Variants in DNAH14 observed in about 807,000 individuals in gnomAD.
DNAH14 encodes dynein axonemal heavy chain 14, also known as axonemal beta dynein heavy chain 14.
A neutral mutation model predicts 520.9 loss-of-function variants in DNAH14; 478 were observed. The ratio of observed to expected loss-of-function variants is 0.92; its 90% CI spans 0.85 to 0.99. The LOEUF is 0.99. Among genes scored for constraint, DNAH14 ranks in the 50% least tolerant of loss-of-function variants. The pLI is 0.00. For missense variants in DNAH14, 4,831 were observed against 5,234.5 expected (o/e 0.92, Z 2.38); for synonymous variants, 1,581 against 1,757.2 (o/e 0.90, Z 2.51).
intron 45 of DNAH14, 146 bp downstream of exon 45, chr1:225,258,264 GT>G: frequency 2.7e-6 from 2 of 747,048 alleles, no homozygotes; most frequent in Non-Finnish European, 3.9e-6. Context: ...CTTACCAGCA[GT>G]TTATGAACAC....
chr1:225,399,184 C>T lies in DNAH14; in HGVS notation c.13769C>T (p.Thr4590Ile), dbSNP rs775904144. The T allele has an allele frequency of 6.4e-7, 1 of 1,551,730 alleles. No individual in the cohort carries two copies. The highest frequency in any genetic ancestry group is 1.2e-5 in the South Asian group (1 of 84,066). The change falls in exon 86 of 86, where the codon ACA becomes ATA. Residue 4590 changes from threonine (T) to isoleucine (I), a missense_variant. Physicochemically the swap from Thr to Ile is moderately conservative, Grantham distance 89. Coordinates refer to ENST00000682510, the MANE Select transcript of DNAH14 (RefSeq NM_001367479.1). ...ACCGGTTTACCAACAAACTTTTTAA[C>T]ATCAGTGTATTTATCAACGAAGAAA... Reference protein sequence around the residue: ...ATTGLPTNFLTSVYLSTKKPP... With the variant: ...ATTGLPTNFLISVYLSTKKPP...
intron 68 of DNAH14, among the ~76,000 whole-genome samples, chr1:225,338,827 C>T (rs1051420579): frequency 2.0e-5 from 3 of 152,138 alleles, no homozygotes; most frequent in African/African-American, 7.2e-5. Context: ...AAGTAATTGG[C>T]AAAGGAAACT....
At chr1:225,226,608 G>A (rs901275065) in intron 41 of DNAH14, among the ~76,000 whole-genome samples, 7 of 152,188 alleles carry the variant, frequency 4.6e-5, no homozygotes, top group African/African-American at 1.7e-4. Context: ...CATTTTGAAG[G>A]GGGCCTGCCC....
chr1:225,003,816 A>G (rs1037060407), intron 9 of DNAH14, among the ~76,000 whole-genome samples: 1 of 152,120 alleles, frequency 6.6e-6, no homozygotes, highest in African/African-American at 2.4e-5. Flanking sequence ...TTTGGTTTTT[A>G]TGTAGAAGGA....
intron 84 of DNAH14, among the ~76,000 whole-genome samples, chr1:225,392,769 T>A (rs2095937107): frequency 6.6e-6 from 1 of 152,238 alleles, no homozygotes; most frequent in Admixed American, 6.5e-5. Context: ...ATATTTTAAA[T>A]CAGTGGGCAA....
At chr1:225,247,164 G>A (rs569926620) in intron 43 of DNAH14, among the ~76,000 whole-genome samples, 15 of 152,206 alleles carry the variant, frequency 9.9e-5, no homozygotes, top group Non-Finnish European at 1.8e-4. Flanking sequence ...TTCATAAATG[G>A]GAGTTGAACA....
intron 41 of DNAH14, among the ~76,000 whole-genome samples, chr1:225,218,455 G>A (rs2089666770): frequency 6.7e-6 from 1 of 148,484 alleles, no homozygotes; most frequent in Admixed American, 6.8e-5. Context: ...TAAAGGGATA[G>A]AAGAAGATCT....
chr1:225,109,728 C>A (rs1163203042), intron 23 of DNAH14, among the ~76,000 whole-genome samples: 1 of 152,128 alleles, frequency 6.6e-6, no homozygotes, highest in African/African-American at 2.4e-5. Context: ...CCAGCTAGGA[C>A]TTCCAGTGTT....
At chr1:225,306,829 C>A (rs1010016757) in intron 58 of DNAH14, among the ~76,000 whole-genome samples, 3 of 152,134 alleles carry the variant, frequency 2.0e-5, no homozygotes, top group Non-Finnish European at 2.9e-5. Flanking sequence ...TTATATCCAG[C>A]AAGCATATCT....
chr1:224,930,658 C>T (rs544561915), intron 1 of DNAH14, among the ~76,000 whole-genome samples: 34 of 152,138 alleles, frequency 2.2e-4, no homozygotes, highest in African/African-American at 8.0e-4. Context: ...AGTGCAGTGG[C>T]GCGACCTGGG....
intron 36 of DNAH14, among the ~76,000 whole-genome samples, chr1:225,173,277 A>G (rs561350896): frequency 2.6e-5 from 4 of 152,354 alleles, no homozygotes; most frequent in South Asian, 4.1e-4. Flanking sequence ...ATTAAACTAA[A>G]GAGCTTCTGC....
Position 225,374,798 on chromosome 1 carries a change from T to C in DNAH14, c.12429T>C (p.Asn4143=), listed in dbSNP as rs1174189397. 1 of 1,551,408 alleles carries C rather than the reference T, an allele frequency of 6.4e-7. No homozygotes were observed. The highest frequency in any genetic ancestry group is 1.4e-5 in the African/African-American group (1 of 72,996). The change falls in exon 78 of 86, where the codon AAT becomes AAC. Residue 4143 remains asparagine, a synonymous_variant. Transcript: ENST00000682510. Reference sequence around the variant, plus strand: ...TTTACGGTGGCCGGGTGATTGATAATTGGGACAAGCGATGCTTGAAGACCC... The same window carrying C: ...TTTACGGTGGCCGGGTGATTGATAACTGGGACAAGCGATGCTTGAAGACCC... ...EVIYGGRVID[N]WDKRCLKTLL... is the part of the protein sequence containing the mutation.
At chr1:225,207,359 T>C in intron 41 of DNAH14, 139 bp downstream of exon 41, 2 of 813,188 alleles carry the variant, frequency 2.5e-6, no homozygotes, top group East Asian at 6.2e-5. Context: ...GATATGCACA[T>C]GGAACAAATT....
At chr1:225,214,121 C>T (rs2088895923) in intron 41 of DNAH14, among the ~76,000 whole-genome samples, 1 of 152,130 alleles carries the variant, frequency 6.6e-6, no homozygotes, top group East Asian at 1.9e-4. Flanking sequence ...GCATGAAGAG[C>T]TGTTGAATTT....
intron 15 of DNAH14, among the ~76,000 whole-genome samples, chr1:225,046,173 A>G (rs2067942640): frequency 6.6e-6 from 1 of 151,750 alleles, no homozygotes; most frequent in African/African-American, 2.4e-5. Context: ...TTACCTTAGA[A>G]ATAGTCATTT....
chr1:225,376,970 G>A (rs1340625515), intron 78 of DNAH14, among the ~76,000 whole-genome samples: 5 of 149,658 alleles, frequency 3.3e-5, no homozygotes, highest in East Asian at 1.9e-4. Flanking sequence ...CCTTTAAAGC[G>A]TTTTTTTTTT....
intron 60 of DNAH14, among the ~76,000 whole-genome samples, chr1:225,314,492 GT>G (rs1406313101): frequency 1.3e-5 from 2 of 152,242 alleles, no homozygotes; most frequent in Non-Finnish European, 2.9e-5. Context: ...GCTAGCTGCA[GT>G]TTTTTTGCCC....
rs564070137 is a variant in DNAH14 at position 225,373,363 on chromosome 1, G to A, written c.12319-1325G>A. On this transcript the variant is annotated intron_variant, in intron 77 of 85. Transcript: ENST00000682510. ...GCCTGTAGTCCCAGCTACGCGGGAG[G>A]CTGAGGCAGGAGAATCGCTTGAACC... Among the ~76,000 whole-genome samples the A allele has an allele frequency of 3.3e-5, 5 of 152,198 alleles. No individual in the cohort carries two copies. In the East Asian group the frequency reaches 7.8e-4, roughly 24 times the overall value.
intron 17 of DNAH14, among the ~76,000 whole-genome samples, chr1:225,068,479 G>C (rs962521900): frequency 1.3e-5 from 2 of 152,050 alleles, no homozygotes; most frequent in African/African-American, 2.4e-5. Context: ...CTCTAGTTCT[G>C]TGAAGAATGT....
Sources: allele counts gnomAD v4.1 joint callset (sites outside exome capture counted in the v4.1 genomes callset), GRCh38; gene constraint gnomAD v4.1.1; transcripts MANE v1.5; gene names NCBI Gene and HGNC (gene_info 2026-07-23, HGNC 2026-07-21).